The following C16orf78 variants were observed in gnomAD, a reference collection of about 807,000 sequenced individuals.
C16orf78 encodes chromosome 16 open reading frame 78.
Under a neutral mutation model 27.3 loss-of-function variants are expected in C16orf78, and 19 were observed. That is an observed-to-expected ratio of 0.70 (90% CI 0.49 to 1.02). The LOEUF (loss-of-function observed/expected upper bound fraction) is 1.02, where lower values mean the gene tolerates loss of function less well. Among genes scored for constraint, C16orf78 ranks in the 50% least tolerant of loss-of-function variants. C16orf78 has a pLI of 0.00. For missense variants in C16orf78, 339 were observed against 337.0 expected, an observed-to-expected ratio of 1.01 and a Z score of -0.05; for synonymous variants, 130 against 116.1, an observed-to-expected ratio of 1.12 and a Z score of -0.77.
chr16:49,397,297 G>A (rs1479098714), intron 4 of C16orf78, among the ~76,000 whole-genome samples: 1 of 152,160 alleles, frequency 6.6e-6, no homozygotes, highest in Non-Finnish European at 1.5e-5. Flanking sequence ...CTGTAAAGTT[G>A]TAACTGACAA....
intron 1 of C16orf78, among the ~76,000 whole-genome samples, chr16:49,375,803 G>A (rs1298714220): frequency 2.0e-5 from 3 of 152,148 alleles, no homozygotes; most frequent in Non-Finnish European, 1.5e-5. Flanking sequence ...ATTTGGGGGC[G>A]AAGGGGAAGC....
intron 3 of C16orf78, among the ~76,000 whole-genome samples, chr16:49,382,218 A>T (rs994462865): frequency 3.4e-4 from 52 of 152,214 alleles, no homozygotes; most frequent in African/African-American, 1.3e-3. Flanking sequence ...GAACAACGAG[A>T]TCACATGGAC....
intron 3 of C16orf78, among the ~76,000 whole-genome samples, chr16:49,379,822 C>T (rs1439688249): frequency 6.6e-6 from 1 of 152,138 alleles, no homozygotes; most frequent in East Asian, 1.9e-4. Flanking sequence ...TATTGAGTGT[C>T]AACTTGATTG....
chr16:49,390,875 C>T (rs898890785), intron 3 of C16orf78, among the ~76,000 whole-genome samples: 2 of 152,210 alleles, frequency 1.3e-5, no homozygotes, highest in Non-Finnish European at 2.9e-5. Flanking sequence ...CCCCGTGCTG[C>T]AACTTGGAAG....
chr16:49,397,470 T>A (rs1965488149), intron 4 of C16orf78, among the ~76,000 whole-genome samples: 2 of 152,232 alleles, frequency 1.3e-5, no homozygotes, highest in South Asian at 4.1e-4. Context: ...GCTCACTGAC[T>A]GGCAGAAGGA....
chr16:49,387,921 T>A (rs1965369205), intron 3 of C16orf78, among the ~76,000 whole-genome samples: 1 of 152,190 alleles, frequency 6.6e-6, no homozygotes, highest in African/African-American at 2.4e-5. Context: ...TTTTTAATTA[T>A]GTCTATTTGG....
rs1193495810 is a variant in C16orf78, at chr16:49,396,503, C to A, written c.475C>A (p.Pro159Thr). ...CCGTCGACAAAGCATTGTCTTAGAT[C>A]CCATGTTACAGGAGGGTACCTTTAA... ...PFRRQSIVLD[P>T]MLQEGTFNSQ... is the part of the protein sequence containing the mutation. Residue 159 changes from proline (P) to threonine (T), a missense_variant, in exon 4 of 5, where the codon CCC becomes ACC. Physicochemically the swap from Pro to Thr is conservative, Grantham distance 38 (BLOSUM62 -1). Transcript: ENST00000299191. 1.2e-6 allele frequency: 2 copies of A among 1,614,158 alleles called. No individual in the cohort carries two copies. The highest frequency in any genetic ancestry group is 3.3e-5 in the Admixed American group (2 of 60,034).
At chr16:49,383,883 G>T (rs184455372) in intron 3 of C16orf78, among the ~76,000 whole-genome samples, 321 of 152,176 alleles carry the variant, frequency 2.1e-3, no homozygotes, top group Non-Finnish European at 3.7e-3. Flanking sequence ...AATTAATAAA[G>T]CTCCAATAAC....
At chr16:49,389,704 TA>T (rs2151614529) in intron 3 of C16orf78, among the ~76,000 whole-genome samples, 1 of 152,312 alleles carries the variant, frequency 6.6e-6, no homozygotes, top group South Asian at 2.1e-4. Context: ...CTTATCAGAG[TA>T]TACTTCCATT....
intron 3 of C16orf78, among the ~76,000 whole-genome samples, chr16:49,381,660 A>G (rs1221413204): frequency 1.3e-5 from 2 of 151,552 alleles, no homozygotes; most frequent in Non-Finnish European, 2.9e-5. Context: ...AACACATGAA[A>G]AAATGCTCAT....
rs1370038558 is a variant in C16orf78, at chr16:49,397,901, G to A, written c.650+1223G>A. ...GTGCCTCAGCCTCCTGAGTAGCTGG[G>A]ATTATAGGCATGCACCACCACACCC... On this transcript the variant is annotated intron_variant, in intron 4 of 4. Transcript: ENST00000299191. 2.0e-5 allele frequency among the ~76,000 whole-genome samples: 3 copies of A among 152,164 alleles called. No homozygotes were observed. In the East Asian group the frequency reaches 5.8e-4, roughly 29 times the overall value.
chr16:49,383,711 G>C (rs1282727874), intron 3 of C16orf78, among the ~76,000 whole-genome samples: 2 of 152,180 alleles, frequency 1.3e-5, no homozygotes, highest in African/African-American at 4.8e-5. Context: ...GTGAGCTTTG[G>C]ATCAGGCAAT....
Position 49,390,336 on chromosome 16 carries a change from T to TCC in C16orf78, c.395-6084_395-6083dup, listed in dbSNP as rs1043274228. On this transcript the variant is annotated intron_variant, in intron 3 of 4. Transcript: ENST00000299191. ...AAATTTATTTCATTTCTCCATTCTC[T>TCC]CCCCTCTCTTTCAGGCACCCTGATT... Among the ~76,000 whole-genome samples the TCC allele has an allele frequency of 1.4e-4, 21 of 152,308 alleles. No individual in the cohort carries two copies. In the Middle Eastern group the frequency reaches 0.017, roughly 123 times the overall value.
Position 49,385,997 on chromosome 16 carries a change from A to G in C16orf78, c.394+7404A>G, listed in dbSNP as rs61259657. Among the ~76,000 whole-genome samples, 875 of 152,318 alleles carry G rather than the reference A, an allele frequency of 5.7e-3. 10 individuals carry two copies. The highest frequency in any genetic ancestry group is 0.02 in the African/African-American group (840 of 41,578). ...ACTCACTTTAGCTTTAAGGACACACACAGCCTGAAAGAGAAGGAATTGGAA... is the reference window on the plus strand; with the variant it reads ...ACTCACTTTAGCTTTAAGGACACACGCAGCCTGAAAGAGAAGGAATTGGAA... On this transcript the variant is annotated intron_variant, in intron 3 of 4. Transcript: ENST00000299191.
chr16:49,391,010 C>T (rs764607423), intron 3 of C16orf78, among the ~76,000 whole-genome samples: 2 of 152,116 alleles, frequency 1.3e-5, no homozygotes, highest in Non-Finnish European at 2.9e-5. Flanking sequence ...TATGACATGC[C>T]CAATTTTTTA....
At chr16:49,392,027 G>T (rs1439240905) in intron 3 of C16orf78, among the ~76,000 whole-genome samples, 3 of 152,166 alleles carry the variant, frequency 2.0e-5, no homozygotes, top group African/African-American at 7.2e-5. Flanking sequence ...GACACCTTGG[G>T]CAGGTCACAC....
chr16:49,377,953 A>C, intron 2 of C16orf78, 103 bp downstream of exon 2: 1 of 1,421,422 alleles, frequency 7.0e-7, no homozygotes, highest in Non-Finnish European at 9.4e-7. Context: ...TCTAAATTTC[A>C]AGGCTCCGAA....
intron 3 of C16orf78, among the ~76,000 whole-genome samples, chr16:49,385,654 CA>C (rs1212909662): frequency 0.04 from 3,539 of 88,682 alleles, 58 homozygotes; most frequent in Middle Eastern, 0.054. Context: ...GACTCCATCT[CA>C]AAAAAAAAAA....
At position 49,399,308 on chromosome 16, in the gene C16orf78, C is replaced by A; in HGVS notation, c.*30C>A. 1 of 1,611,882 alleles carries A rather than the reference C, an allele frequency of 6.2e-7. No individual in the cohort carries two copies. The highest frequency in any genetic ancestry group is 8.5e-7 in the Non-Finnish European group (1 of 1,178,954). On this transcript the variant is annotated 3_prime_UTR_variant, in exon 5 of 5. Coordinates refer to ENST00000299191, the MANE Select transcript of C16orf78 (RefSeq NM_144602.4). ...CTCCTCTCGCCACCACCTTCAGGCT[C>A]CTTCTGTCATGGGACCCTTCACCTC...
Sources: gnomAD v4.1 joint callset for allele counts (sites outside exome capture counted in the v4.1 genomes callset) on GRCh38, gnomAD v4.1.1 for gene constraint, MANE v1.5 for transcripts, NCBI Gene and HGNC (gene_info 2026-07-23, HGNC 2026-07-21) for gene names.